NLRP12: variants seen among roughly 807,000 people sequenced by gnomAD.
NLRP12 encodes the protein NLR family pyrin domain containing 12, also known as NACHT, LRR and PYD domains-containing protein 12.
Under a neutral mutation model 91.2 loss-of-function variants are expected in NLRP12, and 108 were observed. The observed-to-expected ratio is 1.18, with a 90% confidence interval of 1.01 to 1.39. The LOEUF (loss-of-function observed/expected upper bound fraction) is 1.39. NLRP12 is among the 40% of genes most tolerant of loss of function. The probability of loss-of-function intolerance (pLI) is 0.00; values close to 1 mark genes in which losing one functional copy is unlikely to be tolerated. For synonymous variants in NLRP12, 613 were observed against 566.7 expected (o/e 1.08, Z -1.16); for missense variants, 1,530 against 1,352.7 (o/e 1.13, Z -2.06).
Position 53,795,966 on chromosome 19 carries a change from G to A in NLRP12, c.2991C>T (p.Asn997=), listed in dbSNP as rs1334288624. The change falls in exon 9 of 10, where the codon AAC becomes AAT. Residue 997 remains asparagine (N), a synonymous_variant. Coordinates refer to ENST00000324134, the MANE Select transcript of NLRP12 (RefSeq NM_144687.4). Reference sequence around the variant, plus strand: ...TCAGGTAAAGGTCGGTCAAGGTCTGGTTGATCCCCAGGGTGAAGTAAAGAT... The same window carrying A: ...TCAGGTAAAGGTCGGTCAAGGTCTGATTGATCCCCAGGGTGAAGTAAAGAT... ...CENLYFTLGI[N]QTLTDLYLTN... is the part of the protein sequence containing the mutation. 1 of 1,614,146 alleles carries A rather than the reference G, an allele frequency of 6.2e-7. No homozygotes were observed. The highest frequency in any genetic ancestry group is 8.5e-7 in the Non-Finnish European group (1 of 1,180,020).
At position 53,804,075 on chromosome 19, in the gene NLRP12, G is replaced by T. The variant is rs1379731837; in HGVS notation, c.2462C>A (p.Ser821Tyr). 1 of 1,614,070 alleles carries T rather than the reference G, an allele frequency of 6.2e-7. No individual in the cohort carries two copies. The highest frequency in any genetic ancestry group is 1.1e-5 in the South Asian group (1 of 91,078). ...LESGACQEMA[S>Y]VLGTNPHLVE... ...CAGATGTGGGTTGGTGCCGAGCACA[G>T]AAGCCATCTCCTGACAAGCCCCGGA... The change falls in exon 6 of 10, where the codon TCT (serine) becomes TAT (tyrosine). Residue 821 changes from serine to tyrosine, a missense_variant. Coordinates refer to ENST00000324134, the MANE Select transcript of NLRP12 (RefSeq NM_144687.4).
intron 2 of NLRP12, among the ~76,000 whole-genome samples, chr19:53,814,540 G>A (rs3848582): frequency 0.15 from 23,127 of 152,022 alleles, 1,852 homozygotes; most frequent in Admixed American, 0.18. Context: ...TAGTAGAGAC[G>A]GGGTTTTGCC....
Position 53,810,024 on chromosome 19 carries a change from C to G in NLRP12, c.1635G>C (p.Leu545Phe), listed in dbSNP as rs766348755. 2.4e-5 allele frequency: 39 copies of G among 1,614,120 alleles called. No homozygotes were observed. Among genetic ancestry groups the G allele is most frequent in the Non-Finnish European group, 3.1e-5 (37 of 1,180,024 alleles). ...AGPDQDVTRL[L>F]TEYAFSERSF... is the part of the protein sequence containing the mutation. ...TCCTTTCAGAAAACGCGTACTCGGTCAACAGCCTGGTCACGTCCTGGTCTG... is the reference window on the plus strand; with the variant it reads ...TCCTTTCAGAAAACGCGTACTCGGTGAACAGCCTGGTCACGTCCTGGTCTG... The change falls in exon 3 of 10, where the codon TTG (leucine) becomes TTC (phenylalanine). Residue 545 changes from leucine to phenylalanine, a missense_variant. Coordinates refer to ENST00000324134, the MANE Select transcript of NLRP12 (RefSeq NM_144687.4).
intron 9 of NLRP12, 91 bp from the exon 10 acceptor site, chr19:53,794,227 G>A: frequency 1.1e-6 from 1 of 893,152 alleles, no homozygotes; most frequent in East Asian, 2.4e-5. Context: ...ACCGTGGTAA[G>A]ATAATTCCAT....
intron 6 of NLRP12, among the ~76,000 whole-genome samples, chr19:53,802,339 A>T (rs561860126): frequency 3.0e-4 from 46 of 152,224 alleles, no homozygotes; most frequent in Middle Eastern, 3.4e-3. Context: ...CAATCTCAAT[A>T]ATCATTGGGG....
Position 53,810,656 on chromosome 19 carries a change from C to T in NLRP12, c.1003G>A (p.Glu335Lys). 6.2e-7 allele frequency: 1 copy of T among 1,613,926 alleles called. No homozygotes were observed. The highest frequency in any genetic ancestry group is 8.5e-7 in the Non-Finnish European group (1 of 1,179,920). ...CGTGTGGTGATGAGCAAAGATAGCT[C>T]AGGGAGCAGCTTCTTCCGAATTAAG... The part of the protein sequence containing the change: ...NSLIRKKLLP[E>K]LSLLITTRPT... The change falls in exon 3 of 10, where the codon GAG becomes AAG. Residue 335 changes from glutamate (E) to lysine (K), a missense_variant. Coordinates refer to ENST00000324134, the MANE Select transcript of NLRP12 (RefSeq NM_144687.4).
Position 53,794,010 on chromosome 19 carries a change from C to T in NLRP12, c.*39G>A. The T allele has an allele frequency of 7.1e-7, 1 of 1,406,132 alleles. No individual in the cohort carries two copies. The highest frequency in any genetic ancestry group is 1.0e-6 in the Non-Finnish European group (1 of 990,298). 87.1% of individuals were successfully genotyped at this position (1,406,132 alleles called of 1,614,324 possible). A position where few individuals can be genotyped will look rare whatever the true frequency, so the allele number is the denominator to read the frequency against. The stretch of plus-strand genomic sequence containing the variant: ...GTGATGAGCACCCTCCCATCTTCCT[C>T]TGTCCAGATCTCAGGGGAGAGCCAG... On this transcript the variant is annotated 3_prime_UTR_variant, in exon 10 of 10. Coordinates refer to ENST00000324134, the MANE Select transcript of NLRP12 (RefSeq NM_144687.4).
In NLRP12 at chr19:53,817,327, G is replaced by C. The variant is rs532538648; in HGVS notation, c.290-2339C>G. On this transcript the variant is annotated intron_variant, in intron 1 of 9. Transcript: ENST00000324134. ...TGCCTGTAATCCCAGCTACTCGGGA[G>C]GCTGAGGCAGGAGAATCGCTTGAAC... is the stretch of plus-strand genomic sequence containing the variant. 9.6e-4 allele frequency among the ~76,000 whole-genome samples: 146 copies of C among 152,256 alleles called. 1 individual carries two copies. The highest frequency in any genetic ancestry group is 3.4e-3 in the African/African-American group (142 of 41,568).
chr19:53,803,212 GT>G (rs200796360), intron 6 of NLRP12, among the ~76,000 whole-genome samples: 2 of 150,618 alleles, frequency 1.3e-5, no homozygotes, highest in East Asian at 3.9e-4. Flanking sequence ...ACGGAGTTTC[GT>G]TTTTGTTGTC....
rs780487558 is a variant in NLRP12 at position 53,810,658 on chromosome 19, G to C, written c.1001C>G (p.Pro334Arg). 6.2e-7 allele frequency: 1 copy of C among 1,614,008 alleles called. No individual in the cohort carries two copies. Among genetic ancestry groups the C allele is most frequent in the South Asian group, 1.1e-5 (1 of 91,074 alleles). ...TGTGGTGATGAGCAAAGATAGCTCA[G>C]GGAGCAGCTTCTTCCGAATTAAGCT... Reference protein sequence around the residue: ...LNSLIRKKLLPELSLLITTRP... With the variant: ...LNSLIRKKLLRELSLLITTRP... Residue 334 changes from proline to arginine, a missense_variant, in exon 3 of 10, where the codon CCT becomes CGT. By Grantham distance (103) the Pro-to-Arg change is moderately radical. Coordinates refer to ENST00000324134, the MANE Select transcript of NLRP12 (RefSeq NM_144687.4).
intron 8 of NLRP12, among the ~76,000 whole-genome samples, chr19:53,797,680 G>A (rs8106410): frequency 0.55 from 82,673 of 151,188 alleles, 22,896 homozygotes; most frequent in South Asian, 0.62. Flanking sequence ...GCCTCCCAAA[G>A]TGCTGGGATT....
intron 4 of NLRP12, 83 bp from the exon 5 acceptor site, chr19:53,805,533 T>TC (rs1184669496): frequency 6.6e-7 from 1 of 1,514,376 alleles, no homozygotes; most frequent in East Asian, 2.3e-5. Flanking sequence ...TTTTTTTTTT[T>TC]TTCTGAGACA....
At chr19:53,808,356 G>A (rs1379699266) in intron 3 of NLRP12, 1 of 165,398 alleles carries the variant, frequency 6.0e-6, no homozygotes, top group Admixed American at 5.5e-5. Context: ...GTTCTCATTA[G>A]GATGCGTGCT....
chr19:53,796,083 C>A, intron 8 of NLRP12, 54 bp from the exon 9 acceptor site: 2 of 1,549,806 alleles, frequency 1.3e-6, no homozygotes. Flanking sequence ...TTATGTTATT[C>A]GGAGGCAGTG....
chr19:53,804,549 C>A (rs2091926965), intron 5 of NLRP12, among the ~76,000 whole-genome samples: 1 of 150,878 alleles, frequency 6.6e-6, no homozygotes, highest in Non-Finnish European at 1.5e-5. Flanking sequence ...GGCTGGGCTA[C>A]AGGTGTGTGC....
At chr19:53,798,030 T>G (rs7253537) in intron 8 of NLRP12, among the ~76,000 whole-genome samples, 55,485 of 152,192 alleles carry the variant, frequency 0.36, 10,795 homozygotes, top group African/African-American at 0.51. Flanking sequence ...CCATCGCGCC[T>G]GGCCTTAAGT....
chr19:53,810,383 G>A lies in NLRP12; in HGVS notation c.1276C>T (p.Gln426Ter). 1 of 1,613,634 alleles carries A rather than the reference G, an allele frequency of 6.2e-7. No homozygotes were observed. Among genetic ancestry groups the A allele is most frequent in the Non-Finnish European group, 8.5e-7 (1 of 1,180,020 alleles). ...QQLEGGGLLR[Q>*]TSRTTTAVYM... ...ACTGCAGTGGTGGTCCTGGACGTCT[G>A]TCTCAACAGCCCCCCACCCTCCAGC... Residue 426 changes from glutamine to a stop codon, truncating the protein, a stop_gained, in exon 3 of 10, where the codon CAG (glutamine) becomes TAG (stop). Transcript: ENST00000324134. LOFTEE classifies it high-confidence loss of function.
At chr19:53,807,742 G>A (rs776713905) in intron 3 of NLRP12, 77 bp from the exon 4 acceptor site, 31 of 1,520,642 alleles carry the variant, frequency 2.0e-5, no homozygotes, top group South Asian at 4.5e-5. Context: ...TCATTTCACC[G>A]TTTATGAAGC....
In NLRP12 at chr19:53,807,539, G is replaced by C. The variant is rs1184285804; in HGVS notation, c.2199C>G (p.Leu733=). Residue 733 remains leucine, a synonymous_variant, in exon 4 of 10, where the codon CTC becomes CTG. Transcript: ENST00000324134. ...AGTTGGGGTGTCTGAGTCCTTGACA[G>C]AGCAGCTTCACCCCCCGGCTGCCCA... ...NALGSRGVKL[L]CQGLRHPNCK... 3 of 1,614,056 alleles carry C rather than the reference G, an allele frequency of 1.9e-6. No individual in the cohort carries two copies. The African/African-American group carries it at 4.0e-5, about 22-fold the overall frequency.
Sources: gnomAD v4.1 joint callset for allele counts (sites outside exome capture counted in the v4.1 genomes callset) on GRCh38, gnomAD v4.1.1 for gene constraint, MANE v1.5 for transcripts, NCBI Gene and HGNC (gene_info 2026-07-23, HGNC 2026-07-21) for gene names.